SCAP: variants seen among roughly 807,000 people sequenced by gnomAD.
SCAP encodes SREBF chaperone, also known as sterol regulatory element-binding protein cleavage-activating protein.
Under a neutral mutation model 123.6 loss-of-function variants are expected in SCAP, and 65 were observed. The observed-to-expected ratio is 0.53, with a 90% CI of 0.43 to 0.65. The LOEUF (loss-of-function observed/expected upper bound fraction) is 0.65. Ranked by LOEUF, SCAP falls within the 30% of genes least tolerant of loss-of-function variation. The probability of loss-of-function intolerance (pLI) is 0.00; values close to 1 mark genes in which losing one functional copy is unlikely to be tolerated. For missense variants in SCAP, 1,398 were observed against 1,712.5 expected, an observed-to-expected ratio of 0.82 and a Z score of 3.24; for synonymous variants, 740 against 726.3, an observed-to-expected ratio of 1.02 and a Z score of -0.30.
intron 1 of SCAP, among the ~76,000 whole-genome samples, chr3:47,445,744 G>T (rs902273941): frequency 1.3e-5 from 2 of 151,100 alleles, no homozygotes; most frequent in Admixed American, 1.3e-4. Context: ...GCTAATTTTT[G>T]TATTTTTAGT....
chr3:47,414,652 C>G lies in SCAP; in HGVS notation c.3307G>C (p.Val1103Leu). The change falls in exon 21 of 23, where the codon GTG becomes CTG. Residue 1103 changes from valine to leucine, a missense_variant and splice_region_variant. Transcript: ENST00000265565. ...VTGSQDHTLR[V>L]FRLEDSCCLF... ...CAGCACGAGTCCTCCAGACGGAACA[C>G]CTGGGACAGGGATGGGCCTCAGGTT... The G allele has an allele frequency of 1.2e-6, 2 of 1,613,270 alleles. No homozygotes were observed. The highest frequency in any genetic ancestry group is 1.1e-5 in the South Asian group (1 of 91,088).
At chr3:47,429,709 C>T (rs557755753) in intron 3 of SCAP, among the ~76,000 whole-genome samples, 25 of 152,314 alleles carry the variant, frequency 1.6e-4, no homozygotes, top group African/African-American at 5.5e-4. Flanking sequence ...CCAATTTTTA[C>T]TGAAGCACAG....
At chr3:47,477,007 G>T, upstream of SCAP, 1 of 152,912 alleles carries the variant, frequency 6.5e-6, no homozygotes, top group Non-Finnish European at 1.5e-5. Flanking sequence ...TCCAGAAAGT[G>T]CAGATCTAGT....
chr3:47,456,856 C>T (rs1039639466), intron 1 of SCAP, among the ~76,000 whole-genome samples: 9 of 151,992 alleles, frequency 5.9e-5, no homozygotes, highest in Non-Finnish European at 8.8e-5. Flanking sequence ...GCTAAATTCC[C>T]GCGTATATAA....
chr3:47,418,609 C>A, intron 14 of SCAP, 46 bp downstream of exon 14: 1 of 1,549,586 alleles, frequency 6.5e-7, no homozygotes, highest in East Asian at 2.4e-5. Context: ...CCTACCCGTC[C>A]CCCTCCCCGC....
chr3:47,445,145 A>G (rs1239428771), intron 1 of SCAP, among the ~76,000 whole-genome samples: 1 of 151,840 alleles, frequency 6.6e-6, no homozygotes, highest in African/African-American at 2.4e-5. Flanking sequence ...TCATCAGTTG[A>G]TAAACATTTG....
At chr3:47,472,906 C>A (rs967141138) in intron 1 of SCAP, among the ~76,000 whole-genome samples, 1 of 151,732 alleles carries the variant, frequency 6.6e-6, no homozygotes, top group Non-Finnish European at 1.5e-5. Flanking sequence ...TAGGGAGAAA[C>A]CTCGCCTCTA....
rs766472360 is a variant in SCAP at position 47,435,114 on chromosome 3, A to T, written c.146T>A (p.Leu49Ter). ...ACCYPLLKLP[L>*]PGTGPVEFTT... is the part of the protein sequence containing the mutation. ...GAATTCCACAGGTCCTGTTCCTGGC[A>T]AGGGGAGTTTCAGCAGTGGGTAGCT... Residue 49 changes from leucine to a stop codon, truncating the protein, a stop_gained, in exon 3 of 23, where the codon TTG becomes TAG. Coordinates refer to ENST00000265565, the MANE Select transcript of SCAP (RefSeq NM_012235.4). LOFTEE classifies it high-confidence loss of function. 1 of 1,613,980 alleles carries T rather than the reference A, an allele frequency of 6.2e-7. No individual in the cohort carries two copies.
intron 3 of SCAP, among the ~76,000 whole-genome samples, chr3:47,431,232 C>A (rs1241527706): frequency 6.6e-6 from 1 of 151,918 alleles, no homozygotes; most frequent in East Asian, 1.9e-4. Context: ...GGGCAGGGCC[C>A]ACACTCACTG....
intron 13 of SCAP, 95 bp from the exon 14 acceptor site, chr3:47,418,938 G>A: frequency 7.7e-7 from 1 of 1,296,714 alleles, no homozygotes; most frequent in Non-Finnish European, 1.0e-6. Context: ...CCCCAGGCAG[G>A]CCTCAGCTCC....
At chr3:47,418,929 C>T in intron 13 of SCAP, 86 bp from the exon 14 acceptor site, 1 of 1,339,202 alleles carries the variant, frequency 7.5e-7, no homozygotes, top group Non-Finnish European at 9.9e-7. Flanking sequence ...CTCCCTCCTC[C>T]CCAGGCAGGC....
chr3:47,422,592 TCA>T, intron 9 of SCAP, 56 bp from the exon 10 acceptor site: 1 of 1,404,736 alleles, frequency 7.1e-7, no homozygotes. Flanking sequence ...GCGACATGAC[TCA>T]CACAACCTCA....
chr3:47,418,823 A>G lies in SCAP; in HGVS notation c.1961T>C (p.Val654Ala). ...LAKRYISLLP[V>A]IPVTLRLNPR... ...GTTCAGGCGGAGCGTGACTGGGATGACGGGCAGCAGGCTGATGTACCTGGA... is the reference window on the plus strand; with the variant it reads ...GTTCAGGCGGAGCGTGACTGGGATGGCGGGCAGCAGGCTGATGTACCTGGA... Residue 654 changes from valine to alanine, a missense_variant, in exon 14 of 23, where the codon GTC (valine) becomes GCC (alanine). Coordinates refer to ENST00000265565, the MANE Select transcript of SCAP (RefSeq NM_012235.4). The G allele has an allele frequency of 6.5e-7, 1 of 1,527,074 alleles. No individual in the cohort carries two copies. The allele number at this position is 1,527,074 out of a possible 1,614,324, so 94.6% of individuals were successfully genotyped here.
At chr3:47,425,683 G>A in intron 7 of SCAP, 72 bp from the exon 8 acceptor site, 1 of 1,550,116 alleles carries the variant, frequency 6.5e-7, no homozygotes, top group East Asian at 2.2e-5. Context: ...CCCGGGAGTA[G>A]GTTGCCCTGA....
At chr3:47,425,851 G>T in intron 7 of SCAP, 146 bp downstream of exon 7, 1 of 1,009,444 alleles carries the variant, frequency 9.9e-7, no homozygotes, top group Non-Finnish European at 1.4e-6. Flanking sequence ...CTAAGACCCT[G>T]CTGGGGGACA....
chr3:47,415,643 C>T (rs1705539773), intron 18 of SCAP, among the ~76,000 whole-genome samples: 1 of 152,124 alleles, frequency 6.6e-6, no homozygotes, highest in East Asian at 1.9e-4. Flanking sequence ...ATTCCTTTTT[C>T]CATAAAGAAA....
chr3:47,454,924 CT>C (rs2107968741), intron 1 of SCAP, among the ~76,000 whole-genome samples: 1 of 151,404 alleles, frequency 6.6e-6, no homozygotes, highest in South Asian at 2.1e-4. Context: ...TTATTTATTA[CT>C]ATTGTGGAAC....
In SCAP at chr3:47,414,319, C is replaced by T. The variant is rs748207050; in HGVS notation, c.3455G>A (p.Arg1152Gln). The T allele has an allele frequency of 1.7e-5, 28 of 1,612,996 alleles. No individual in the cohort carries two copies. Among genetic ancestry groups the T allele is most frequent in the East Asian group, 1.1e-4 (5 of 44,902 alleles). Reference sequence around the variant, plus strand: ...ACGGTGAGCAAACACATGGCTGACCCGGCTGCCAGTCAGTACATCCCACAG... The same window carrying T: ...ACGGTGAGCAAACACATGGCTGACCTGGCTGCCAGTCAGTACATCCCACAG... The part of the protein sequence containing the change: ...ICLWDVLTGS[R>Q]VSHVFAHRGD... The change falls in exon 22 of 23, where the codon CGG becomes CAG. Residue 1152 changes from arginine to glutamine, a missense_variant. Arg to Gln is a conservative substitution (Grantham distance 43, BLOSUM62 1). Around this residue, in one of 7 missense-constraint regions of SCAP, gnomAD observed 130 missense variants for 166.7 expected, o/e 0.78. Coordinates refer to ENST00000265565, the MANE Select transcript of SCAP (RefSeq NM_012235.4).
chr3:47,414,159 TATG>T lies in SCAP; in HGVS notation c.3594+18_3594+20del, dbSNP rs780909102. 6 of 1,613,626 alleles carry T rather than the reference TATG, an allele frequency of 3.7e-6. No homozygotes were observed. Among genetic ancestry groups the T allele is most frequent in the Non-Finnish European group, 5.1e-6 (6 of 1,180,014 alleles). ...TCCTTCCCTAAAATCCCAAGAATCC[TATG>T]ATCCCCATCCCCTCTACCTGCTGAA... On this transcript the variant is annotated intron_variant, in intron 22 of 22. Transcript: ENST00000265565.
Sources: gnomAD v4.1 joint callset for allele counts (sites outside exome capture counted in the v4.1 genomes callset) on GRCh38, gnomAD v4.1.1 for gene constraint, gnomAD v4.1.1 regional missense constraint, MANE v1.5 for transcripts, NCBI Gene and HGNC (gene_info 2026-07-23, HGNC 2026-07-21) for gene names.